Variants in POLG observed in about 807,000 individuals in gnomAD.
POLG encodes DNA polymerase gamma, catalytic subunit, also known as DNA polymerase subunit gamma-1.
In POLG, 110 loss-of-function variants were observed where a neutral mutation model predicts 155.4. The ratio of observed to expected loss-of-function variants is 0.71; its 90% CI spans 0.61 to 0.83. The LOEUF (loss-of-function observed/expected upper bound fraction) is 0.83. POLG is among the 40% of genes least tolerant of loss of function. POLG has a pLI of 0.00. For missense variants in POLG, 1,685 were observed against 1,627.5 expected (o/e 1.04, Z -0.61); for synonymous variants, 701 against 631.5 (o/e 1.11, Z -1.65).
In POLG at chr15:89,316,456, A is replaced by G. The variant is rs1159813655; in HGVS notation, c.*295T>C. ...AACCAGCCAAGAAGAAAAGGAAAAA[A>G]TAAATGAAATGCCTGAGTTAATGTG... On this transcript the variant is annotated 3_prime_UTR_variant, in exon 23 of 23. Transcript: ENST00000268124. 1.2e-6 allele frequency: 2 copies of G among 1,609,598 alleles called. No homozygotes were observed. Among genetic ancestry groups the G allele is most frequent in the Non-Finnish European group, 1.7e-6 (2 of 1,177,404 alleles).
chr15:89,325,183 T>A (rs868762760), intron 10 of POLG, among the ~76,000 whole-genome samples: 24 of 45,744 alleles, frequency 5.2e-4, no homozygotes, highest in South Asian at 7.3e-4. Context: ...AGTGAGAGAG[T>A]GAGTGAGTGA....
rs185340425 is a variant in POLG, at chr15:89,328,760, C to T, written c.1095G>A (p.Gly365=). ...GAGGCTCCTTCTCTAAGGGAGGCCC[C>T]CCTACATAAAGTCTGTGCACCTCTG... The part of the protein sequence containing the change: ...SLAEVHRLYV[G]GPPLEKEPRE... The change falls in exon 5 of 23, where the codon GGG becomes GGA. Residue 365 remains glycine, a synonymous_variant. Coordinates refer to ENST00000268124, the MANE Select transcript of POLG (RefSeq NM_002693.3). The T allele has an allele frequency of 6.2e-7, 1 of 1,614,124 alleles. No individual in the cohort carries two copies. Among genetic ancestry groups the T allele is most frequent in the East Asian group, 2.2e-5 (1 of 44,880 alleles).
intron 18 of POLG, 54 bp downstream of exon 18, chr15:89,320,712 G>T: frequency 1.2e-6 from 2 of 1,603,722 alleles, no homozygotes; most frequent in Non-Finnish European, 1.7e-6. Context: ...CTAAAGGACA[G>T]TAAAGCAGGC....
rs200309005 is a variant in POLG at position 89,320,832 on chromosome 15, C to T, written c.2915G>A (p.Arg972Gln). The T allele has an allele frequency of 5.5e-5, 88 of 1,613,822 alleles. 1 individual carries two copies. The South Asian group carries it at 9.0e-4, about 17-fold the overall frequency. The change falls in exon 18 of 23, where the codon CGG becomes CAG. Residue 972 changes from arginine to glutamine, a missense_variant. Arg to Gln is a conservative substitution (Grantham distance 43, BLOSUM62 1). Transcript: ENST00000268124. Reference sequence around the variant, plus strand: ...CTCAGCTGCCTCCTGCTGTGTGAGCCGGTGGTTAAACTGCATTAGTAAGCG... The same window carrying T: ...CTCAGCTGCCTCCTGCTGTGTGAGCTGGTGGTTAAACTGCATTAGTAAGCG... ...AERLLMQFNH[R>Q]LTQQEAAEKA... is the part of the protein sequence containing the mutation.
At position 89,325,049 on chromosome 15, in the gene POLG, T is replaced by TGAGTGAGA. The variant is rs1409872278; in HGVS notation, c.1949+393_1949+400dup. ...AACCTGAACCCAGAGAGTGAGTGAG[T>TGAGTGAGA]GAGTGAGAGAGTGAGTGAGTGAGTG... On this transcript the variant is annotated intron_variant, in intron 10 of 22. Coordinates refer to ENST00000268124, the MANE Select transcript of POLG (RefSeq NM_002693.3). Among the ~76,000 whole-genome samples, 15 of 113,092 alleles carry TGAGTGAGA rather than the reference T, an allele frequency of 1.3e-4. 2 individuals are homozygous for TGAGTGAGA. The highest frequency in any genetic ancestry group is 1.9e-4 in the African/African-American group (3 of 16,210). The allele number at this position is 113,092 out of a possible 152,430, so 74.2% of individuals were successfully genotyped here. A position where few individuals can be genotyped will look rare whatever the true frequency, so the allele number is the denominator to read the frequency against.
At position 89,316,537 on chromosome 15, in the gene POLG, G is replaced by A. The variant is rs2055270852; in HGVS notation, c.*214C>T. ...AACAAGCAACAATGCCCCTTGTCCT[G>A]TAGTCCACACCGATGTTGGCATCTT... On this transcript the variant is annotated 3_prime_UTR_variant, in exon 23 of 23. Coordinates refer to ENST00000268124, the MANE Select transcript of POLG (RefSeq NM_002693.3). 1.4e-6 allele frequency: 2 copies of A among 1,415,876 alleles called. No homozygotes were observed. The highest frequency in any genetic ancestry group is 1.4e-5 in the African/African-American group (1 of 70,518). The allele number at this position is 1,415,876 out of a possible 1,614,324, so 87.7% of individuals were successfully genotyped here. A position where few individuals can be genotyped will look rare whatever the true frequency, so the allele number is the denominator to read the frequency against.
chr15:89,325,118 G>A lies in POLG; in HGVS notation c.1949+332C>T, dbSNP rs1272329813. ...TGAGTGAGAGAGTGAGAGAGAGTGA[G>A]TGAGTGAGTGAGAGAGTGAGTGAGA... On this transcript the variant is annotated intron_variant, in intron 10 of 22. Coordinates refer to ENST00000268124, the MANE Select transcript of POLG (RefSeq NM_002693.3). 9.8e-5 allele frequency among the ~76,000 whole-genome samples: 9 copies of A among 91,924 alleles called. 1 individual carries two copies. The highest frequency in any genetic ancestry group is 2.2e-4 in the African/African-American group (5 of 22,858). 60.3% of individuals were successfully genotyped at this position (91,924 alleles called of 152,430 possible).
chr15:89,332,706 C>T (rs2247233), intron 2 of POLG, among the ~76,000 whole-genome samples: 86,680 of 151,884 alleles, frequency 0.57, 26,300 homozygotes, highest in African/African-American at 0.8. Flanking sequence ...AGCTTTCTAC[C>T]GCCCAAAATA....
chr15:89,321,907 G>A, intron 15 of POLG, 54 bp from the exon 16 acceptor site: 2 of 1,607,422 alleles, frequency 1.2e-6, no homozygotes, highest in Non-Finnish European at 1.7e-6. Flanking sequence ...TTGGCCTTAG[G>A]ACCTACCACC....
chr15:89,318,017 C>A, intron 21 of POLG: 1 of 292,342 alleles, frequency 3.4e-6, no homozygotes, highest in Non-Finnish European at 6.7e-6. Flanking sequence ...TTTAATTCAT[C>A]CATATGAACT....
Position 89,326,591 on chromosome 15 carries a change from CT to C in POLG, c.1712+20del. 1.2e-6 allele frequency: 2 copies of C among 1,612,512 alleles called. No individual in the cohort carries two copies. The highest frequency in any genetic ancestry group is 1.7e-6 in the Non-Finnish European group (2 of 1,179,886). On this transcript the variant is annotated intron_variant, in intron 9 of 22. Coordinates refer to ENST00000268124, the MANE Select transcript of POLG (RefSeq NM_002693.3). Reference sequence around the variant, plus strand: ...GCAAGGGTAGACTCTAGATACACTGCTGGGGGTGGGCAGGGCTCACCCAGGG... The same window carrying C: ...GCAAGGGTAGACTCTAGATACACTGCGGGGGTGGGCAGGGCTCACCCAGGG...
At chr15:89,328,365 C>T in intron 6 of POLG, 91 bp downstream of exon 6, 1 of 1,002,148 alleles carries the variant, frequency 1.0e-6, no homozygotes, top group Non-Finnish European at 1.6e-6. Flanking sequence ...GGTCCCCAAC[C>T]TGAGATAGAA....
Position 89,318,695 on chromosome 15 carries a change from G to C in POLG, c.3328C>G (p.His1110Asp). The change falls in exon 21 of 23, where the codon CAC (histidine) becomes GAC (aspartate). Residue 1110 changes from histidine to aspartate, a missense_variant. His to Asp is a moderately conservative substitution (Grantham distance 81). Transcript: ENST00000268124. ...VVQSSAVDYL[H>D]LMLVAMKWLF... ...CACTTCATGGCCACAAGCATGAGGT[G>C]TAAGTAGTCAACAGCAGAGCTCTGT... 6.2e-7 allele frequency: 1 copy of C among 1,614,238 alleles called. No homozygotes were observed. The highest frequency in any genetic ancestry group is 8.5e-7 in the Non-Finnish European group (1 of 1,180,036).
chr15:89,330,354 C>T (rs918782031), intron 2 of POLG, 78 bp from the exon 3 acceptor site: 10 of 1,103,366 alleles, frequency 9.1e-6, no homozygotes, highest in African/African-American at 4.6e-5. Flanking sequence ...GCACACCTAC[C>T]GCCACATGCC....
At chr15:89,317,355 G>GAAC in intron 22 of POLG, 21 bp downstream of exon 22, 1 of 1,612,752 alleles carries the variant, frequency 6.2e-7, no homozygotes, top group East Asian at 2.2e-5. Context: ...GTGTAATGAG[G>GAAC]AACAAATGTG....
chr15:89,327,663 T>C (rs542273514), intron 6 of POLG, among the ~76,000 whole-genome samples: 14 of 152,324 alleles, frequency 9.2e-5, no homozygotes, highest in African/African-American at 3.4e-4. Flanking sequence ...ACTGTGCTAA[T>C]AATCCCATAC....
rs1445968035 is a variant in POLG at position 89,333,623 on chromosome 15, C to CTGG, written c.131_132insCCA (p.Gln43_Gln44insHis). 1 of 1,599,448 alleles carries CTGG rather than the reference C, an allele frequency of 6.3e-7. No individual in the cohort carries two copies. Among genetic ancestry groups the CTGG allele is most frequent in the Non-Finnish European group, 8.5e-7 (1 of 1,175,608 alleles). ...GCTGCTGCTGCTGCTGCTGCTGCTG[C>CTGG]TGCTGCCGCCGCCGCTGCCCGTCGC... On this transcript the variant is annotated inframe_insertion, in exon 2 of 23. Coordinates refer to ENST00000268124, the MANE Select transcript of POLG (RefSeq NM_002693.3).
At chr15:89,322,705 G>A in intron 14 of POLG, 37 bp downstream of exon 14, 1 of 1,607,082 alleles carries the variant, frequency 6.2e-7, no homozygotes, top group Admixed American at 1.7e-5. Flanking sequence ...GGAAGAGAGG[G>A]GAAAGGCATC....
At chr15:89,331,258 C>T (rs8032519) in intron 2 of POLG, among the ~76,000 whole-genome samples, 6,463 of 152,270 alleles carry the variant, frequency 0.042, 451 homozygotes, top group African/African-American at 0.15. Context: ...AACTCATACT[C>T]CAAATGGTGA....
Sources: allele counts gnomAD v4.1 joint callset (sites outside exome capture counted in the v4.1 genomes callset), GRCh38; gene constraint gnomAD v4.1.1; transcripts MANE v1.5; gene names NCBI Gene and HGNC (gene_info 2026-07-23, HGNC 2026-07-21).